DNAAF5: variants seen among roughly 807,000 people sequenced by gnomAD.
DNAAF5 encodes the protein dynein axonemal assembly factor 5.
In DNAAF5, 64 loss-of-function variants were observed where a neutral mutation model predicts 75.8. That is an observed-to-expected ratio of 0.84 (90% CI 0.69 to 1.04). The LOEUF (loss-of-function observed/expected upper bound fraction) is 1.04. DNAAF5 is among the 50% of genes least tolerant of loss of function. The probability of loss-of-function intolerance (pLI) is 0.00; values close to 1 mark genes in which losing one functional copy is unlikely to be tolerated. For synonymous variants in DNAAF5, 657 were observed against 557.2 expected, an observed-to-expected ratio of 1.18 and a Z score of -2.52; for missense variants, 1,269 against 1,178.5, an observed-to-expected ratio of 1.08 and a Z score of -1.12.
chr7:738,963 G>T (rs1351600031), intron 2 of DNAAF5, among the ~76,000 whole-genome samples: 1 of 152,256 alleles, frequency 6.6e-6, no homozygotes, highest in Non-Finnish European at 1.5e-5. Flanking sequence ...ACTGCTCCCT[G>T]GCTGCCGGCC....
intron 12 of DNAAF5, among the ~76,000 whole-genome samples, chr7:784,131 G>A (rs529900192): frequency 1.3e-5 from 2 of 151,398 alleles, no homozygotes; most frequent in African/African-American, 4.8e-5. Flanking sequence ...ATCTGCAGCC[G>A]TCCACCTGCC....
intron 2 of DNAAF5, among the ~76,000 whole-genome samples, chr7:736,475 G>C (rs1394354031): frequency 6.6e-6 from 1 of 152,178 alleles, no homozygotes; most frequent in Non-Finnish European, 1.5e-5. Flanking sequence ...TTGTCTCTTA[G>C]TATAGTTTTC....
chr7:747,046 G>T lies in DNAAF5; in HGVS notation c.1024+5581G>T, dbSNP rs183431331. 5.4e-4 allele frequency among the ~76,000 whole-genome samples: 82 copies of T among 152,326 alleles called. 3 individuals carry two copies. The East Asian group carries it at 0.015, about 28-fold the overall frequency. On this transcript the variant is annotated intron_variant, in intron 4 of 12. Coordinates refer to ENST00000297440, the MANE Select transcript of DNAAF5 (RefSeq NM_017802.4). ...TCTGGTCACCAGCAGGGGCATATTC[G>T]GGTCCTTTCTAGTTTTTGGCCATCA...
chr7:738,789 C>G (rs1781812240), intron 2 of DNAAF5, among the ~76,000 whole-genome samples: 1 of 152,188 alleles, frequency 6.6e-6, no homozygotes, highest in Non-Finnish European at 1.5e-5. Context: ...CCTAGCTGTC[C>G]TTGCTATCAG....
intron 4 of DNAAF5, among the ~76,000 whole-genome samples, chr7:752,651 G>A (rs919235081): frequency 2.7e-5 from 4 of 147,920 alleles, no homozygotes; most frequent in African/African-American, 7.4e-5. Context: ...CGAAGGCTTC[G>A]TGACCGTGGG....
Position 726,993 on chromosome 7 carries a change from C to T in DNAAF5, c.273C>T (p.Gly91=). 7.9e-7 allele frequency: 1 copy of T among 1,261,506 alleles called. No individual in the cohort carries two copies. Among genetic ancestry groups the T allele is most frequent in the Non-Finnish European group, 1.0e-6 (1 of 998,750 alleles). The allele number at this position is 1,261,506 out of a possible 1,614,324, so 78.1% of individuals were successfully genotyped here. ...GCTGCCTGAGCGACCCCGCCGAGGG[C>T]TGCCGCGCGCTGGCAGTGCACCTGC... ...LLRCLSDPAE[G]CRALAVHLLD... is the part of the protein sequence containing the mutation. Residue 91 remains glycine (G), a synonymous_variant, in exon 1 of 13, where the codon GGC becomes GGT. Coordinates refer to ENST00000297440, the MANE Select transcript of DNAAF5 (RefSeq NM_017802.4).
Position 726,726 on chromosome 7 carries a change from G to A in DNAAF5, c.6G>A (p.Ala2=). 1 of 1,239,798 alleles carries A rather than the reference G, an allele frequency of 8.1e-7. No homozygotes were observed. The highest frequency in any genetic ancestry group is 1.6e-5 in the African/African-American group (1 of 64,510). The allele number at this position is 1,239,798 out of a possible 1,614,324, so 76.8% of individuals were successfully genotyped here. A position where few individuals can be genotyped will look rare whatever the true frequency, so the allele number is the denominator to read the frequency against. Residue 2 remains alanine, a synonymous_variant, in exon 1 of 13, where the codon GCG becomes GCA. Coordinates refer to ENST00000297440, the MANE Select transcript of DNAAF5 (RefSeq NM_017802.4). M[A]ALGVAEAVAA... Reference sequence around the variant, plus strand: ...TGACCGGCGACGCGGGCAAGATGGCGGCGCTGGGGGTGGCGGAGGCCGTGG... The same window carrying A: ...TGACCGGCGACGCGGGCAAGATGGCAGCGCTGGGGGTGGCGGAGGCCGTGG...
At chr7:740,522 G>T (rs1436049657) in intron 2 of DNAAF5, among the ~76,000 whole-genome samples, 1 of 152,194 alleles carries the variant, frequency 6.6e-6, no homozygotes, top group Non-Finnish European at 1.5e-5. Context: ...TCGCCAACAG[G>T]ACCAGGCCGG....
intron 1 of DNAAF5, 129 bp downstream of exon 1, chr7:727,444 C>T (rs1464880774): frequency 4.4e-5 from 17 of 382,238 alleles, no homozygotes; most frequent in African/African-American, 3.4e-4. Context: ...CCCAACATCC[C>T]GGACCCCCCA....
chr7:736,881 T>C (rs2128071512), intron 2 of DNAAF5, among the ~76,000 whole-genome samples: 1 of 152,250 alleles, frequency 6.6e-6, no homozygotes, highest in East Asian at 1.9e-4. Context: ...GCGTTTTTTA[T>C]TTGAAGTTAC....
intron 11 of DNAAF5, among the ~76,000 whole-genome samples, chr7:777,515 A>C (rs984534455): frequency 2.8e-5 from 4 of 142,792 alleles, no homozygotes; most frequent in African/African-American, 1.0e-4. Context: ...AGTGACACGG[A>C]ATGGTGTGCT....
chr7:768,516 A>T (rs1778431265), intron 8 of DNAAF5: 1 of 148,434 alleles, frequency 6.7e-6, no homozygotes, highest in Admixed American at 6.7e-5. Context: ...CTGGGAGGGC[A>T]GACAAGTGGT....
intron 12 of DNAAF5, among the ~76,000 whole-genome samples, chr7:782,041 T>G (rs909149772): frequency 2.0e-5 from 3 of 152,274 alleles, no homozygotes; most frequent in Non-Finnish European, 4.4e-5. Flanking sequence ...TGGAAAATAC[T>G]TAGACCTTCC....
chr7:736,397 G>A (rs1781740494), intron 2 of DNAAF5, among the ~76,000 whole-genome samples: 1 of 152,172 alleles, frequency 6.6e-6, no homozygotes, highest in Non-Finnish European at 1.5e-5. Flanking sequence ...CCAGTGTTGG[G>A]TGCATATATA....
chr7:765,832 A>G (rs555174959), intron 8 of DNAAF5, among the ~76,000 whole-genome samples: 20 of 151,858 alleles, frequency 1.3e-4, no homozygotes, highest in Admixed American at 8.5e-4. Context: ...TCCTGAGTAG[A>G]TGGGATTGTA....
At chr7:779,217 G>T (rs989353068) in intron 11 of DNAAF5, among the ~76,000 whole-genome samples, 2 of 152,354 alleles carry the variant, frequency 1.3e-5, no homozygotes, top group Admixed American at 1.3e-4. Flanking sequence ...TCTGCAGCGG[G>T]AAGATGGGCC....
At chr7:727,377 C>T in intron 1 of DNAAF5, 62 bp downstream of exon 1, 1 of 986,990 alleles carries the variant, frequency 1.0e-6, no homozygotes. Flanking sequence ...CCTCCACCTC[C>T]GCGGCCCCTC....
chr7:735,119 TCA>T (rs1302695213), intron 2 of DNAAF5, among the ~76,000 whole-genome samples: 1 of 151,618 alleles, frequency 6.6e-6, no homozygotes, highest in Non-Finnish European at 1.5e-5. Flanking sequence ...GTGTAGCTGC[TCA>T]CAGTGTCGCC....
chr7:770,440 C>A, intron 8 of DNAAF5, 31 bp from the exon 9 acceptor site: 1 of 1,602,760 alleles, frequency 6.2e-7, no homozygotes, highest in Non-Finnish European at 8.5e-7. Flanking sequence ...TCCTGAGGGC[C>A]GTGCACAGGA....
Sources: gnomAD v4.1 joint callset for allele counts (sites outside exome capture counted in the v4.1 genomes callset) on GRCh38, gnomAD v4.1.1 for gene constraint, MANE v1.5 for transcripts, NCBI Gene and HGNC (gene_info 2026-07-23, HGNC 2026-07-21) for gene names.